Variants in MIB1 observed in about 807,000 individuals in gnomAD.
The protein encoded by MIB1 is MIB E3 ubiquitin protein ligase 1, also known as E3 ubiquitin-protein ligase MIB1.
MIB1 carries 278 observed loss-of-function variants against 124.5 expected under a neutral mutation model. The ratio of observed to expected loss-of-function variants is 2.23; its 90% confidence interval spans 2.02 to 2.47. MIB1 has a LOEUF of 2.47. Among genes scored for constraint, MIB1 ranks in the 30% most tolerant of loss-of-function variants. The pLI, the probability that MIB1 is intolerant of heterozygous loss-of-function variation, is 0.00. For synonymous variants in MIB1, 446 were observed against 429.4 expected, an observed-to-expected ratio of 1.04 and a Z score of -0.48; for missense variants, 957 against 1,254.4, an observed-to-expected ratio of 0.76 and a Z score of 3.58.
chr18:21,708,471 T>C (rs1340782146), intron 1 of MIB1, among the ~76,000 whole-genome samples: 1 of 152,030 alleles, frequency 6.6e-6, no homozygotes, highest in Admixed American at 6.5e-5. Flanking sequence ...TTGACCAACA[T>C]CGTGAAACCG....
chr18:21,832,306 A>G (rs2041991373), intron 12 of MIB1, among the ~76,000 whole-genome samples: 1 of 152,148 alleles, frequency 6.6e-6, no homozygotes, highest in Non-Finnish European at 1.5e-5. Context: ...ATGTTTCTCT[A>G]ATTTTCTGAA....
At chr18:21,823,290 A>G (rs541531142) in intron 12 of MIB1, among the ~76,000 whole-genome samples, 45 of 151,534 alleles carry the variant, frequency 3.0e-4, no homozygotes, top group African/African-American at 9.7e-4. Context: ...AGTCTCAGCT[A>G]CTTGGGAGGC....
chr18:21,718,647 C>CT (rs1220150874), intron 1 of MIB1, among the ~76,000 whole-genome samples: 1 of 152,224 alleles, frequency 6.6e-6, no homozygotes, highest in East Asian at 1.9e-4. Context: ...GTTTAAGTAA[C>CT]TAAGTTTTGG....
chr18:21,738,808 A>C (rs1480173787), upstream of MIB1, among the ~76,000 whole-genome samples: 2 of 8,838 alleles, frequency 2.3e-4, no homozygotes, highest in Non-Finnish European at 6.1e-4. Context: ...CTCCATCTCA[A>C]AAAAAAAAAA....
rs553727731 is a variant in MIB1, at chr18:21,767,593, G to C, written c.402-1030G>C. Among the ~76,000 whole-genome samples, 138 of 151,946 alleles carry C rather than the reference G, an allele frequency of 9.1e-4. 1 individual carries two copies. Among genetic ancestry groups the C allele is most frequent in the Non-Finnish European group, 1.6e-3 (112 of 67,978 alleles). On this transcript the variant is annotated intron_variant, in intron 2 of 20. Coordinates refer to ENST00000261537, the MANE Select transcript of MIB1 (RefSeq NM_020774.4). ...AATGGAGTCTCTCTCTGTTGCCCAG[G>C]CTGGAGTGCAGTGGCACAATGTTGG...
intron 12 of MIB1, chr18:21,828,947 G>A (rs760022557): frequency 6.5e-6 from 3 of 458,458 alleles, no homozygotes; most frequent in African/African-American, 4.1e-5. Flanking sequence ...GGTCATTCAC[G>A]TAGAAAGAAG....
intron 1 of MIB1, among the ~76,000 whole-genome samples, chr18:21,753,392 T>C (rs569465939): frequency 6.6e-6 from 1 of 152,230 alleles, no homozygotes; most frequent in East Asian, 1.9e-4. Flanking sequence ...TTCACCATGT[T>C]GGCCAGGCAG....
chr18:21,832,046 A>G (rs1392116472), intron 12 of MIB1, among the ~76,000 whole-genome samples: 1 of 152,212 alleles, frequency 6.6e-6, no homozygotes, highest in Non-Finnish European at 1.5e-5. Flanking sequence ...TAGAAATGGT[A>G]GGTAAGACCT....
Position 21,857,262 on chromosome 18 carries a change from G to A in MIB1, c.2779+19G>A, listed in dbSNP as rs2042238024. ...GATATCTGTAAGTCGATTGTCTTAA[G>A]CATTTTCATATTTTGCTTTTTTTTG... On this transcript the variant is annotated intron_variant, in intron 19 of 20. Coordinates refer to ENST00000261537, the MANE Select transcript of MIB1 (RefSeq NM_020774.4). The A allele has an allele frequency of 6.3e-7, 1 of 1,579,692 alleles. No individual in the cohort carries two copies. The highest frequency in any genetic ancestry group is 2.2e-5 in the East Asian group (1 of 44,700).
chr18:21,795,363 AAT>A (rs2041565623), intron 7 of MIB1, among the ~76,000 whole-genome samples: 1 of 143,682 alleles, frequency 7.0e-6, no homozygotes, highest in African/African-American at 2.5e-5. Flanking sequence ...AATAATACAT[AAT>A]ATATAAATAT....
chr18:21,807,852 T>C (rs1020374143), intron 10 of MIB1, among the ~76,000 whole-genome samples: 2 of 152,234 alleles, frequency 1.3e-5, no homozygotes, highest in African/African-American at 2.4e-5. Flanking sequence ...TCATTGGAAA[T>C]ATTAAACATA....
At chr18:21,779,355 C>T (rs1189862505) in intron 5 of MIB1, 126 bp from the exon 6 acceptor site, 3 of 738,980 alleles carry the variant, frequency 4.1e-6, no homozygotes, top group Non-Finnish European at 6.8e-6. Flanking sequence ...ATAGGGAATT[C>T]TCAAGACCTT....
rs186605718 is a variant in MIB1, at chr18:21,773,753, G to T, written c.636+25G>T. 2.0e-4 allele frequency: 298 copies of T among 1,471,358 alleles called. No individual in the cohort carries two copies. The African/African-American group carries it at 3.9e-3, about 19-fold the overall frequency. 91.1% of individuals were successfully genotyped at this position (1,471,358 alleles called of 1,614,324 possible). On this transcript the variant is annotated intron_variant, in intron 4 of 20. Coordinates refer to ENST00000261537, the MANE Select transcript of MIB1 (RefSeq NM_020774.4). ...GGTAAGTAGTGAAGAGCCATAGCAGGTGAAAGAAAATGTTGGATGGGTGAA... is the reference window on the plus strand; with the variant it reads ...GGTAAGTAGTGAAGAGCCATAGCAGTTGAAAGAAAATGTTGGATGGGTGAA...
At chr18:21,773,807 C>A (rs2041250112) in intron 4 of MIB1, 79 bp downstream of exon 4, 1 of 803,294 alleles carries the variant, frequency 1.2e-6, no homozygotes, top group Admixed American at 2.7e-5. Flanking sequence ...TATTATTTTT[C>A]CTTTGTCATC....
chr18:21,844,111 C>T lies in MIB1; in HGVS notation c.2069C>T (p.Ala690Val), dbSNP rs760875023. Residue 690 changes from alanine (A) to valine (V), a missense_variant, in exon 15 of 21, where the codon GCC becomes GTC. Ala to Val is a moderately conservative substitution (Grantham distance 64). Transcript: ENST00000261537. Reference protein sequence around the residue: ...QIVRLLVRAGAKLDIQDKDGD... With the variant: ...QIVRLLVRAGVKLDIQDKDGD... The stretch of plus-strand genomic sequence containing the variant: ...TTTTAGCTTTTGGTCCGTGCAGGTG[C>T]CAAGCTTGATATTCAGGATAAGGAT... The T allele has an allele frequency of 1.9e-6, 3 of 1,613,828 alleles. No homozygotes were observed. In the African/African-American group the frequency reaches 4.0e-5, roughly 22 times the overall value.
intron 10 of MIB1, among the ~76,000 whole-genome samples, chr18:21,808,404 G>A (rs553653612): frequency 3.7e-4 from 57 of 152,142 alleles, no homozygotes; most frequent in Non-Finnish European, 7.4e-4. Context: ...TAAAGTAGCT[G>A]TGTAGTTTCG....
rs528503179 is a variant in MIB1, at chr18:21,740,953, G to A, written c.-631G>A. Among the ~76,000 whole-genome samples, 4 of 152,358 alleles carry A rather than the reference G, an allele frequency of 2.6e-5. No individual in the cohort carries two copies. Among genetic ancestry groups the A allele is most frequent in the South Asian group, 2.1e-4 (1 of 4,834 alleles). ...GCCTTGGGTACGGCGGTACCCGGAT[G>A]TGGAGTCGCTCTCGCCCGGCTGGGA... On this transcript the variant is annotated 5_prime_UTR_variant, in exon 1 of 21. It adds an upstream start codon to the 5' untranslated region. Coordinates refer to ENST00000261537, the MANE Select transcript of MIB1 (RefSeq NM_020774.4).
chr18:21,722,334 A>G (rs571334627), intron 1 of MIB1, among the ~76,000 whole-genome samples: 1 of 151,636 alleles, frequency 6.6e-6, no homozygotes, highest in African/African-American at 2.4e-5. Context: ...GATTACAGGC[A>G]TGAGCCACCA....
intron 15 of MIB1, among the ~76,000 whole-genome samples, chr18:21,846,621 C>T (rs1189872407): frequency 6.6e-6 from 1 of 152,054 alleles, no homozygotes; most frequent in African/African-American, 2.4e-5. Context: ...TCAGAAGTTC[C>T]ACTTTTGAGT....
Sources: gnomAD v4.1 joint callset for allele counts (sites outside exome capture counted in the v4.1 genomes callset) on GRCh38, gnomAD v4.1.1 for gene constraint, MANE v1.5 for transcripts, NCBI Gene and HGNC (gene_info 2026-07-23, HGNC 2026-07-21) for gene names.